The following NODAL variants were observed in gnomAD, a reference collection of about 807,000 sequenced individuals.
NODAL encodes nodal homolog.
Under a neutral mutation model 34.0 loss-of-function variants are expected in NODAL, and 12 were observed. The observed-to-expected ratio is 0.35, with a 90% CI of 0.23 to 0.57. The LOEUF is 0.57. Among genes scored for constraint, NODAL ranks in the 20% least tolerant of loss-of-function variants. The pLI, the probability that NODAL is intolerant of heterozygous loss-of-function variation, is 0.83. For missense variants in NODAL, 390 were observed against 444.2 expected (o/e 0.88, Z 1.10); for synonymous variants, 162 against 186.4 (o/e 0.87, Z 1.07).
upstream of NODAL, among the ~76,000 whole-genome samples, chr10:70,444,946 C>T (rs955585136): frequency 6.6e-6 from 1 of 152,042 alleles, no homozygotes; most frequent in East Asian, 1.9e-4. Context: ...CCAGGTCATG[C>T]ACATATAAAT....
chr10:70,437,351 G>A (rs1043302415), intron 1 of NODAL, among the ~76,000 whole-genome samples: 28 of 152,224 alleles, frequency 1.8e-4, no homozygotes, highest in Non-Finnish European at 3.7e-4. Context: ...TGAGGCAGGA[G>A]AATTGCTTGA....
At chr10:70,447,805 T>G (rs1845504749) in intron 1 of NODAL, 1 of 457,110 alleles carries the variant, frequency 2.2e-6, no homozygotes, top group Non-Finnish European at 4.6e-6. Flanking sequence ...CCCTGACTCC[T>G]TTCTCTCTGA....
chr10:70,441,681 G>A lies in NODAL; in HGVS notation c.-14C>T. 2 of 1,548,526 alleles carry A rather than the reference G, an allele frequency of 1.3e-6. No individual in the cohort carries two copies. Among genetic ancestry groups the A allele is most frequent in the South Asian group, 1.2e-5 (1 of 83,992 alleles). ...GTGGGCGTGCATGGTGGGCTGGCCA[G>A]GCCTGAAAGCAGCACCTCCAGCCCT... On this transcript the variant is annotated 5_prime_UTR_variant, in exon 1 of 3. Transcript: ENST00000287139.
Position 70,435,897 on chromosome 10 carries a change from G to T in NODAL, c.280C>A (p.Arg94=). The T allele has an allele frequency of 6.2e-7, 1 of 1,614,142 alleles. No individual in the cohort carries two copies. The change falls in exon 2 of 3, where the codon CGG becomes AGG. Residue 94 remains arginine, a synonymous_variant. Transcript: ENST00000287139. ...TCCACAGGGCTGGACAGCTGCAGCC[G>T]GAGCTCAGCCCATGCCAGATCCTCT... The part of the protein sequence containing the change: ...QQEDLAWAEL[R]LQLSSPVDLP...
At chr10:70,436,193 C>T in intron 1 of NODAL, 1 of 601,004 alleles carries the variant, frequency 1.7e-6, no homozygotes, top group Non-Finnish European at 3.0e-6. Flanking sequence ...AAAGATCTGA[C>T]CAAGGTGTCA....
At chr10:70,447,894 G>A (rs1332603013) in intron 1 of NODAL, 17 of 471,060 alleles carry the variant, frequency 3.6e-5, no homozygotes, top group Middle Eastern at 3.2e-4. Context: ...TCTCATAAAG[G>A]CAGGTCTAAG....
intron 1 of NODAL, chr10:70,447,910 T>C (rs1442160533): frequency 4.2e-6 from 2 of 471,000 alleles, no homozygotes; most frequent in Non-Finnish European, 8.8e-6. Flanking sequence ...CTAAGACAAG[T>C]CTCTCGCTTC....
At chr10:70,433,674 C>G (rs181910427) in intron 2 of NODAL, among the ~76,000 whole-genome samples, 1 of 152,268 alleles carries the variant, frequency 6.6e-6, no homozygotes, top group Non-Finnish European at 1.5e-5. Context: ...CTCAGCCTCC[C>G]AAAATGCTGG....
intron 1 of NODAL, among the ~76,000 whole-genome samples, chr10:70,439,580 G>T (rs1462600337): frequency 6.6e-6 from 1 of 152,232 alleles, no homozygotes; most frequent in African/African-American, 2.4e-5. Flanking sequence ...AACGGCAACA[G>T]ATACAGATGT....
Position 70,441,552 on chromosome 10 carries a change from G to A in NODAL, c.116C>T (p.Ser39Phe), listed in dbSNP as rs1845431582. The change falls in exon 1 of 3, where the codon TCC (serine) becomes TTC (phenylalanine). Residue 39 changes from serine (S) to phenylalanine (F), a missense_variant. Ser to Phe is a radical substitution (Grantham distance 155, BLOSUM62 -2). Transcript: ENST00000287139. ...LRTRGQPSSP[S>F]PLAYMLSLYR... The stretch of plus-strand genomic sequence containing the variant: ...GAGGCTCAGCATGTACGCCAGAGGG[G>A]ATGGCGACGAGGGCTGCCCCCGCGT... The A allele has an allele frequency of 1.3e-6, 2 of 1,587,428 alleles. No individual in the cohort carries two copies. Among genetic ancestry groups the A allele is most frequent in the East Asian group, 2.3e-5 (1 of 43,198 alleles).
In NODAL at chr10:70,435,434, C is replaced by T. The variant is rs762350525; in HGVS notation, c.743G>A (p.Arg248Gln). ...HHLPDRSQLCRKVKFQVDFNL... is the reference protein window; with the variant it reads ...HHLPDRSQLCQKVKFQVDFNL... ...GAAGTCCACCTGGAACTTGACCTTC[C>T]GACACAGTTGACTTCTGTCTGGCAA... is the stretch of plus-strand genomic sequence containing the variant. Residue 248 changes from arginine (R) to glutamine (Q), a missense_variant, in exon 2 of 3, where the codon CGG becomes CAG. Arg to Gln is a conservative substitution (Grantham distance 43). Transcript: ENST00000287139. 1.2e-5 allele frequency: 19 copies of T among 1,614,078 alleles called. No homozygotes were observed. The highest frequency in any genetic ancestry group is 1.6e-4 in the Middle Eastern group (1 of 6,084).
In NODAL at chr10:70,441,587, C is replaced by T. The variant is rs552601743; in HGVS notation, c.81G>A (p.Ala27=). ...LQAGAATVAT[A]LLRTRGQPSS... is the part of the protein sequence containing the mutation. ...AGGGCTGCCCCCGCGTACGCAGGAGCGCAGTGGCCACCGTCGCAGCACCCG... is the reference window on the plus strand; with the variant it reads ...AGGGCTGCCCCCGCGTACGCAGGAGTGCAGTGGCCACCGTCGCAGCACCCG... The change falls in exon 1 of 3, where the codon GCG becomes GCA. Residue 27 remains alanine (A), a synonymous_variant. Coordinates refer to ENST00000287139, the MANE Select transcript of NODAL (RefSeq NM_018055.5). 6 of 1,563,708 alleles carry T rather than the reference C, an allele frequency of 3.8e-6. No homozygotes were observed. Among genetic ancestry groups the T allele is most frequent in the East Asian group, 2.4e-5 (1 of 41,774 alleles).
At chr10:70,441,746 C>G, upstream of NODAL, 4 of 1,445,768 alleles carry the variant, frequency 2.8e-6, no homozygotes, top group Non-Finnish European at 3.8e-6. Context: ...CCCCACCTTT[C>G]CTCCCTCTGG....
chr10:70,435,901 C>A lies in NODAL; in HGVS notation c.276G>T (p.Glu92Asp). 6.2e-7 allele frequency: 1 copy of A among 1,614,132 alleles called. No homozygotes were observed. The change falls in exon 2 of 3, where the codon GAG (glutamate) becomes GAT (aspartate). Residue 92 changes from glutamate to aspartate, a missense_variant. Physicochemically the swap from Glu to Asp is conservative, Grantham distance 45. Transcript: ENST00000287139. ...LSQQEDLAWA[E>D]LRLQLSSPVD... Reference sequence around the variant, plus strand: ...CAGGGCTGGACAGCTGCAGCCGGAGCTCAGCCCATGCCAGATCCTCTTGTT... The same window carrying A: ...CAGGGCTGGACAGCTGCAGCCGGAGATCAGCCCATGCCAGATCCTCTTGTT...
upstream of NODAL, among the ~76,000 whole-genome samples, chr10:70,443,531 A>G (rs1468120448): frequency 6.6e-6 from 1 of 152,054 alleles, no homozygotes; most frequent in Non-Finnish European, 1.5e-5. Flanking sequence ...AAAAAAAAAA[A>G]ATAAAAACAA....
chr10:70,437,303 G>A (rs1422810479), intron 1 of NODAL, among the ~76,000 whole-genome samples: 1 of 152,234 alleles, frequency 6.6e-6, no homozygotes, highest in African/African-American at 2.4e-5. Context: ...TTAGCCGGGT[G>A]TGGTGGCTCA....
chr10:70,445,722 A>C (rs910679328), upstream of NODAL, among the ~76,000 whole-genome samples: 3 of 152,152 alleles, frequency 2.0e-5, no homozygotes, highest in African/African-American at 7.2e-5. Flanking sequence ...CAAAGCCACA[A>C]ATTTACAAGT....
upstream of NODAL, among the ~76,000 whole-genome samples, chr10:70,444,297 C>T (rs1387564128): frequency 6.7e-6 from 1 of 148,478 alleles, no homozygotes; most frequent in Non-Finnish European, 1.5e-5. Flanking sequence ...AGGGCATGGT[C>T]ATCTACATAT....
intron 1 of NODAL, among the ~76,000 whole-genome samples, chr10:70,441,269 C>T (rs770096043): frequency 6.6e-6 from 1 of 152,270 alleles, no homozygotes; most frequent in Non-Finnish European, 1.5e-5. Flanking sequence ...GCCGTGGATA[C>T]GCCCCCAGCC....
Sources: allele counts gnomAD v4.1 joint callset (sites outside exome capture counted in the v4.1 genomes callset), GRCh38; gene constraint gnomAD v4.1.1; transcripts MANE v1.5; gene names NCBI Gene and HGNC (gene_info 2026-07-23, HGNC 2026-07-21).